The following TMEM108 variants were observed in gnomAD, a reference collection of about 807,000 sequenced individuals.
TMEM108 encodes transmembrane protein 108.
TMEM108 carries 12 observed loss-of-function variants against 35.1 expected under a neutral mutation model. The observed-to-expected ratio is 0.34, with a 90% CI of 0.22 to 0.55. The LOEUF is 0.55. TMEM108 is among the 20% of genes least tolerant of loss of function. The probability of loss-of-function intolerance (pLI) is 0.89; values close to 1 mark genes in which losing one functional copy is unlikely to be tolerated. For missense variants in TMEM108, 680 were observed against 753.3 expected, an observed-to-expected ratio of 0.90 and a Z score of 1.14; for synonymous variants, 287 against 308.6, an observed-to-expected ratio of 0.93 and a Z score of 0.73.
intron 3 of TMEM108, chr3:133,246,754 G>A (rs1946391948): frequency 6.6e-6 from 1 of 152,136 alleles, no homozygotes; most frequent in Non-Finnish European, 1.5e-5. Context: ...GCCCTGAACT[G>A]AGGAGCAGCA....
chr3:133,285,055 G>A lies in TMEM108; in HGVS notation c.40+55704G>A, dbSNP rs1946965499. On this transcript the variant is annotated intron_variant, in intron 3 of 5. Transcript: ENST00000321871. ...GAAGATATTTCTTCATTTATCTTTT[G>A]AGCATCATAAATTTGTTTTAAAATC... Among the ~76,000 whole-genome samples the A allele has an allele frequency of 2.0e-5, 3 of 151,266 alleles. No individual in the cohort carries two copies. The South Asian group carries it at 6.3e-4, about 32-fold the overall frequency.
intron 3 of TMEM108, among the ~76,000 whole-genome samples, chr3:133,303,555 T>A (rs1947261167): frequency 1.3e-5 from 2 of 152,194 alleles, no homozygotes; most frequent in Admixed American, 6.5e-5. Context: ...AAAAAAATCT[T>A]AAGCCCCAAA....
At chr3:133,133,635 A>G (rs927058800) in intron 2 of TMEM108, among the ~76,000 whole-genome samples, 7 of 149,996 alleles carry the variant, frequency 4.7e-5, no homozygotes, top group Non-Finnish European at 8.9e-5. Flanking sequence ...CTCCATGTTC[A>G]TGTTCATCCA....
intron 2 of TMEM108, among the ~76,000 whole-genome samples, chr3:133,128,835 CTTAGAGGTTAAG>C (rs1251495189): frequency 1.5e-4 from 23 of 152,200 alleles, no homozygotes; most frequent in Non-Finnish European, 2.6e-4. Flanking sequence ...TCATTGTTCA[CTTAGAGGTTAAG>C]CTTGAACCAA....
At chr3:133,176,176 T>A (rs1428365216) in intron 2 of TMEM108, among the ~76,000 whole-genome samples, 1 of 152,060 alleles carries the variant, frequency 6.6e-6, no homozygotes, top group Non-Finnish European at 1.5e-5. Flanking sequence ...ATAAAGCAAG[T>A]CCTTAGAGAC....
chr3:133,167,554 G>A (rs1309261195), intron 2 of TMEM108, among the ~76,000 whole-genome samples: 1 of 152,254 alleles, frequency 6.6e-6, no homozygotes. Flanking sequence ...GGCGGCTGAA[G>A]CCCAGCGAGA....
intron 3 of TMEM108, among the ~76,000 whole-genome samples, chr3:133,251,001 C>T (rs1310773569): frequency 2.0e-5 from 3 of 152,068 alleles, no homozygotes; most frequent in East Asian, 1.9e-4. Context: ...TGTTTGCTTG[C>T]TTGTTTGTTT....
chr3:133,192,339 G>T (rs1945510499), intron 2 of TMEM108, among the ~76,000 whole-genome samples: 1 of 152,180 alleles, frequency 6.6e-6, no homozygotes, highest in Non-Finnish European at 1.5e-5. Flanking sequence ...TTTCTGAGGA[G>T]TTGTCCAGCA....
intron 2 of TMEM108, among the ~76,000 whole-genome samples, chr3:133,130,076 A>C (rs977863125): frequency 1.3e-5 from 2 of 152,164 alleles, no homozygotes; most frequent in African/African-American, 4.8e-5. Flanking sequence ...AGGTGTGTGA[A>C]TCTTAAGTCA....
chr3:133,312,059 T>G (rs948145462), intron 3 of TMEM108, among the ~76,000 whole-genome samples: 1 of 152,156 alleles, frequency 6.6e-6, no homozygotes, highest in Admixed American at 6.6e-5. Context: ...AAACAGCAAA[T>G]ATTGCAGAAC....
intron 2 of TMEM108, among the ~76,000 whole-genome samples, chr3:133,189,479 G>A (rs1321318295): frequency 6.6e-6 from 1 of 152,198 alleles, no homozygotes; most frequent in Non-Finnish European, 1.5e-5. Context: ...TTGAATGATT[G>A]TTCCTGTCTA....
At position 133,311,951 on chromosome 3, in the gene TMEM108, C is replaced by T. The variant is rs1267714844; in HGVS notation, c.41-67801C>T. Among the ~76,000 whole-genome samples the T allele has an allele frequency of 2.6e-5, 4 of 152,220 alleles. No individual in the cohort carries two copies. In the East Asian group the frequency reaches 7.7e-4, roughly 29 times the overall value. ...CTATTCCTTTCTGTTTGTTAGTTTT[C>T]CTTCTAACAGTCAGGTCTCTCAGCT... On this transcript the variant is annotated intron_variant, in intron 3 of 5. Transcript: ENST00000321871.
intron 3 of TMEM108, among the ~76,000 whole-genome samples, chr3:133,289,301 A>G (rs945427349): frequency 1.3e-5 from 2 of 152,178 alleles, no homozygotes; most frequent in African/African-American, 4.8e-5. Flanking sequence ...TCACTTTCTT[A>G]TAGATGGGAA....
intron 5 of TMEM108, among the ~76,000 whole-genome samples, chr3:133,393,447 T>A (rs534442053): frequency 7.9e-5 from 12 of 152,354 alleles, no homozygotes; most frequent in Admixed American, 7.8e-4. Flanking sequence ...GAGCAGTGCC[T>A]GGCACATGGT....
At chr3:133,335,743 A>G (rs2071483415) in intron 3 of TMEM108, among the ~76,000 whole-genome samples, 1 of 152,156 alleles carries the variant, frequency 6.6e-6, no homozygotes, top group Non-Finnish European at 1.5e-5. Context: ...AAGAACCAAA[A>G]ATAAGATGAG....
intron 2 of TMEM108, among the ~76,000 whole-genome samples, chr3:133,057,064 T>TGGGCAG (rs1943473672): frequency 6.6e-6 from 1 of 152,178 alleles, no homozygotes; most frequent in South Asian, 2.1e-4. Flanking sequence ...AATTATAACA[T>TGGGCAG]GTTTAGCATG....
intron 3 of TMEM108, among the ~76,000 whole-genome samples, chr3:133,242,542 C>G (rs1441213456): frequency 2.6e-5 from 4 of 152,134 alleles, no homozygotes; most frequent in Admixed American, 1.3e-4. Flanking sequence ...TGTGTGGGGA[C>G]TGAGTGCTAT....
chr3:133,333,769 G>A (rs1230454288), intron 3 of TMEM108, among the ~76,000 whole-genome samples: 1 of 152,170 alleles, frequency 6.6e-6, no homozygotes, highest in East Asian at 1.9e-4. Flanking sequence ...TTAGTTTCTT[G>A]TTAAGTCAAT....
chr3:133,369,116 C>A (rs1242772707), intron 3 of TMEM108, among the ~76,000 whole-genome samples: 1 of 152,164 alleles, frequency 6.6e-6, no homozygotes, highest in Non-Finnish European at 1.5e-5. Context: ...ACGCAAATCC[C>A]ACTGACCCCA....
Sources: gnomAD v4.1 joint callset for allele counts (sites outside exome capture counted in the v4.1 genomes callset) on GRCh38, gnomAD v4.1.1 for gene constraint, MANE v1.5 for transcripts, NCBI Gene and HGNC (gene_info 2026-07-23, HGNC 2026-07-21) for gene names.